WWOX: variants seen among roughly 807,000 people sequenced by gnomAD.
The protein encoded by WWOX is WW domain-containing oxidoreductase.
Under a neutral mutation model 46.2 loss-of-function variants are expected in WWOX, and 69 were observed. That is an observed-to-expected ratio of 1.49 (90% CI 1.23 to 1.82). The LOEUF (loss-of-function observed/expected upper bound fraction) is 1.82. Among genes scored for constraint, WWOX ranks in the 40% most tolerant of loss-of-function variants. WWOX has a pLI of 0.00. For synonymous variants in WWOX, 359 were observed against 202.6 expected, an observed-to-expected ratio of 1.77 and a Z score of -6.56; for missense variants, 919 against 542.6, an observed-to-expected ratio of 1.69 and a Z score of -6.89.
chr16:79,091,977 C>G (rs2048971288), intron 8 of WWOX, among the ~76,000 whole-genome samples: 1 of 151,908 alleles, frequency 6.6e-6, no homozygotes, highest in Admixed American at 6.6e-5. Flanking sequence ...GACGGAGTTT[C>G]ACCATGTTGG....
intron 8 of WWOX, among the ~76,000 whole-genome samples, chr16:78,717,232 T>C (rs2048585350): frequency 6.6e-6 from 1 of 152,168 alleles, no homozygotes; most frequent in Admixed American, 6.5e-5. Context: ...TTTAAATCAA[T>C]TCATTAAGCA....
At chr16:78,711,371 C>G (rs188843611) in intron 8 of WWOX, among the ~76,000 whole-genome samples, 1 of 152,168 alleles carries the variant, frequency 6.6e-6, no homozygotes, top group Non-Finnish European at 1.5e-5. Context: ...GAACATGATG[C>G]TCATATCTGG....
At chr16:78,723,567 C>CTTTTCTT (rs2048745255) in intron 8 of WWOX, among the ~76,000 whole-genome samples, 2 of 28,332 alleles carry the variant, frequency 7.1e-5, no homozygotes, top group South Asian at 1.1e-3. Context: ...CTTTTCTTTT[C>CTTTTCTT]TTTTCTTTTC....
chr16:78,119,521 T>C (rs28466576), intron 4 of WWOX, among the ~76,000 whole-genome samples: 2,205 of 152,282 alleles, frequency 0.014, 60 homozygotes, highest in African/African-American at 0.051. Context: ...TTGTCTTAAT[T>C]AGCTAGATGT....
chr16:78,719,048 G>C (rs1446085501), intron 8 of WWOX, among the ~76,000 whole-genome samples: 1 of 152,138 alleles, frequency 6.6e-6, no homozygotes, highest in Non-Finnish European at 1.5e-5. Context: ...GTAGAACTTA[G>C]TTCCAACAGA....
intron 6 of WWOX, among the ~76,000 whole-genome samples, chr16:78,416,488 A>T (rs1203024880): frequency 2.0e-5 from 3 of 152,242 alleles, no homozygotes; most frequent in Non-Finnish European, 2.9e-5. Flanking sequence ...TGCAATTAAC[A>T]TTAATGAAGG....
chr16:78,692,517 G>T (rs929587599), intron 8 of WWOX, among the ~76,000 whole-genome samples: 2 of 152,124 alleles, frequency 1.3e-5, no homozygotes, highest in Non-Finnish European at 2.9e-5. Context: ...CCTGCCTTTG[G>T]GTTCTAAGAC....
intron 5 of WWOX, among the ~76,000 whole-genome samples, chr16:78,368,542 A>G (rs1195768655): frequency 2.0e-5 from 3 of 152,208 alleles, no homozygotes; most frequent in South Asian, 2.1e-4. Flanking sequence ...GAGAACATCT[A>G]TATCCTCAAA....
chr16:78,407,156 T>C (rs1373685987), intron 6 of WWOX, among the ~76,000 whole-genome samples: 2 of 152,158 alleles, frequency 1.3e-5, no homozygotes, highest in African/African-American at 4.8e-5. Flanking sequence ...AAACTTAGAA[T>C]TCTACATTAT....
rs369964808 is a variant in WWOX, at chr16:78,889,984, GTTTT to G, written c.1057-321618_1057-321615del. Among the ~76,000 whole-genome samples the G allele has an allele frequency of 2.5e-3, 383 of 150,830 alleles. 9 individuals are homozygous for G. The highest frequency in any genetic ancestry group is 0.023 in the Admixed American group (345 of 15,116). ...CTCTTCTTTCAGAAAATGAATCTCT[GTTTT>G]TTTTTCTCTTTCTCCTAAATGTTAG... On this transcript the variant is annotated intron_variant, in intron 8 of 8. Coordinates refer to ENST00000566780, the MANE Select transcript of WWOX (RefSeq NM_016373.4).
intron 5 of WWOX, among the ~76,000 whole-genome samples, chr16:78,337,415 G>A (rs773417742): frequency 6.6e-6 from 1 of 152,114 alleles, no homozygotes; most frequent in African/African-American, 2.4e-5. Flanking sequence ...CCTGCCCCTG[G>A]TATGAGGGTA....
intron 5 of WWOX, among the ~76,000 whole-genome samples, chr16:78,188,788 T>C (rs1219412080): frequency 1.3e-5 from 2 of 152,124 alleles, no homozygotes; most frequent in Non-Finnish European, 2.9e-5. Flanking sequence ...GACAGGCCTT[T>C]TGAAATCGTA....
Position 78,327,838 on chromosome 16 carries a change from A to G in WWOX, c.517-59022A>G, listed in dbSNP as rs1846586945. ...CAGAGCTGGCTTTGGAAAGCAAGAC[A>G]TTAGGAATGAGCTAGCCTGAATGAG... is the stretch of plus-strand genomic sequence containing the variant. On this transcript the variant is annotated intron_variant, in intron 5 of 8. Coordinates refer to ENST00000566780, the MANE Select transcript of WWOX (RefSeq NM_016373.4). Among the ~76,000 whole-genome samples the G allele has an allele frequency of 4.0e-5, 6 of 149,544 alleles. No individual in the cohort carries two copies. In the South Asian group the frequency reaches 1.3e-3, roughly 32 times the overall value.
chr16:78,751,488 T>C (rs976474528), intron 8 of WWOX, among the ~76,000 whole-genome samples: 7 of 142,528 alleles, frequency 4.9e-5, no homozygotes, highest in Non-Finnish European at 7.6e-5. Context: ...TATATATATA[T>C]GCATATGTTT....
chr16:79,133,679 G>T (rs1331563392), intron 8 of WWOX, among the ~76,000 whole-genome samples: 2 of 152,162 alleles, frequency 1.3e-5, no homozygotes, highest in African/African-American at 4.8e-5. Flanking sequence ...CTGCACTGGG[G>T]AGTTGTATAT....
At chr16:78,248,816 A>G (rs2037897956) in intron 5 of WWOX, among the ~76,000 whole-genome samples, 1 of 150,982 alleles carries the variant, frequency 6.6e-6, no homozygotes, top group South Asian at 2.1e-4. Flanking sequence ...AAATGACATC[A>G]TTCAGTCCTC....
chr16:78,659,253 C>G (rs1218967236), intron 8 of WWOX, among the ~76,000 whole-genome samples: 1 of 152,158 alleles, frequency 6.6e-6, no homozygotes, highest in Admixed American at 6.5e-5. Flanking sequence ...AACTACGTGA[C>G]TCACAGAGAT....
intron 8 of WWOX, among the ~76,000 whole-genome samples, chr16:79,085,864 A>G (rs2048845023): frequency 6.6e-6 from 1 of 152,088 alleles, no homozygotes; most frequent in Non-Finnish European, 1.5e-5. Flanking sequence ...TGGGCAACAC[A>G]GTGAGACCTC....
chr16:78,821,991 C>T (rs1054651301), intron 8 of WWOX, among the ~76,000 whole-genome samples: 2 of 152,122 alleles, frequency 1.3e-5, no homozygotes, highest in Non-Finnish European at 2.9e-5. Flanking sequence ...ATCCTTCTGC[C>T]TCAGTCTCCT....
Sources: gnomAD v4.1 joint callset for allele counts (sites outside exome capture counted in the v4.1 genomes callset) on GRCh38, gnomAD v4.1.1 for gene constraint, MANE v1.5 for transcripts, NCBI Gene and HGNC (gene_info 2026-07-23, HGNC 2026-07-21) for gene names.